Variants in PTBP2 observed in about 807,000 individuals in gnomAD.
PTBP2 encodes polypyrimidine tract binding protein 2.
PTBP2 carries 13 observed loss-of-function variants against 61.4 expected under a neutral mutation model. The ratio of observed to expected loss-of-function variants is 0.21; its 90% confidence interval spans 0.14 to 0.34. The LOEUF is 0.34. Among genes scored for constraint, PTBP2 ranks in the 10% least tolerant of loss-of-function variants. The probability of loss-of-function intolerance (pLI) is 1.00; values close to 1 mark genes in which losing one functional copy is unlikely to be tolerated. For missense variants in PTBP2, 405 were observed against 642.6 expected, an observed-to-expected ratio of 0.63 and a Z score of 4.00; for synonymous variants, 215 against 218.5, an observed-to-expected ratio of 0.98 and a Z score of 0.14.
At chr1:96,818,670 A>G (rs144441613), downstream of PTBP2, 3 of 152,162 alleles carry the variant, frequency 2.0e-5, no homozygotes, top group East Asian at 1.9e-4. Context: ...GAAGCACTCA[A>G]TGCATTTTTT....
intron 3 of PTBP2, among the ~76,000 whole-genome samples, chr1:96,762,464 CCCGGACGGGGCGGCTGG>C (rs1355086845): frequency 7.0e-6 from 1 of 143,086 alleles, no homozygotes; most frequent in East Asian, 2.2e-4. Context: ...CCACCTCCCT[CCCGGACGGGGCGGCTGG>C]CCGGGCTGGG....
At chr1:96,723,658 T>C in intron 2 of PTBP2, 64 bp downstream of exon 2, 1 of 1,449,920 alleles carries the variant, frequency 6.9e-7, no homozygotes, top group Non-Finnish European at 9.4e-7. Flanking sequence ...CTGGAAAATT[T>C]TAGCTTTTGC....
At chr1:96,778,300 A>G (rs991193041) in intron 7 of PTBP2, among the ~76,000 whole-genome samples, 6 of 151,944 alleles carry the variant, frequency 3.9e-5, no homozygotes, top group African/African-American at 4.8e-5. Context: ...TTAGTTTTCA[A>G]AAGAGTTTGG....
intron 2 of PTBP2, among the ~76,000 whole-genome samples, chr1:96,746,274 G>T (rs536402292): frequency 2.6e-5 from 4 of 152,158 alleles, no homozygotes; most frequent in African/African-American, 9.6e-5. Flanking sequence ...TCCTATTTAT[G>T]TTCTCACCAG....
chr1:96,813,449 T>C lies in PTBP2; in HGVS notation c.*44T>C, dbSNP rs373157399. On this transcript the variant is annotated 3_prime_UTR_variant, in exon 14 of 14. Transcript: ENST00000674951. ...TGGGGGTGAATCACATTGTTCAATG[T>C]CATCACCTATTTGACTGTTCAGAAA... 3 of 1,500,288 alleles carry C rather than the reference T, an allele frequency of 2.0e-6. No homozygotes were observed. Among genetic ancestry groups the C allele is most frequent in the Non-Finnish European group, 2.7e-6 (3 of 1,116,802 alleles). 92.9% of individuals were successfully genotyped at this position (1,500,288 alleles called of 1,614,324 possible).
intron 8 of PTBP2, among the ~76,000 whole-genome samples, chr1:96,792,943 T>TA (rs1330382806): frequency 2.0e-5 from 3 of 152,134 alleles, no homozygotes; most frequent in Non-Finnish European, 2.9e-5. Context: ...TAATCACACA[T>TA]ACCTAAACAT....
intron 5 of PTBP2, among the ~76,000 whole-genome samples, chr1:96,772,109 G>A (rs1557735870): frequency 1.3e-5 from 2 of 152,218 alleles, no homozygotes; most frequent in East Asian, 3.9e-4. Context: ...AGTCCCACAA[G>A]ATCTCCTGAG....
At chr1:96,747,911 G>A (rs76902466) in intron 2 of PTBP2, among the ~76,000 whole-genome samples, 3,829 of 151,200 alleles carry the variant, frequency 0.025, 72 homozygotes, top group Non-Finnish European at 0.04. Context: ...GTCAGCTTTT[G>A]ATTTTACTGA....
intron 8 of PTBP2, among the ~76,000 whole-genome samples, chr1:96,803,318 T>C (rs1661206948): frequency 6.6e-6 from 1 of 152,104 alleles, no homozygotes; most frequent in Non-Finnish European, 1.5e-5. Context: ...GGGTGATGGC[T>C]ACTTAGAGTT....
At chr1:96,762,928 C>T (rs1368249880) in intron 3 of PTBP2, among the ~76,000 whole-genome samples, 1 of 151,480 alleles carries the variant, frequency 6.6e-6, no homozygotes, top group Non-Finnish European at 1.5e-5. Context: ...AGGCGCTCCT[C>T]ACATCCCAGA....
downstream of PTBP2, chr1:96,815,872 A>G (rs888932013): frequency 1.3e-5 from 2 of 152,190 alleles, no homozygotes; most frequent in African/African-American, 2.4e-5. Context: ...GAGGAACTCT[A>G]CCAGCATCAG....
At chr1:96,764,857 G>T (rs139090242) in intron 3 of PTBP2, among the ~76,000 whole-genome samples, 110 of 152,256 alleles carry the variant, frequency 7.2e-4, no homozygotes, top group African/African-American at 2.5e-3. Context: ...TTCTCTAGGT[G>T]CCTTCTGTGT....
rs537489992 is a variant in PTBP2, at chr1:96,733,025, T to C, written c.39+9431T>C. Among the ~76,000 whole-genome samples, 38 of 150,740 alleles carry C rather than the reference T, an allele frequency of 2.5e-4. No individual in the cohort carries two copies. In the Middle Eastern group the frequency reaches 0.014, roughly 54 times the overall value. ...ATTACTCTGCTTTCTTTCTTTCTTTTTTTTTTTTTTTGCTATAGCAAATTT... is the reference window on the plus strand; with the variant it reads ...ATTACTCTGCTTTCTTTCTTTCTTTCTTTTTTTTTTTGCTATAGCAAATTT... On this transcript the variant is annotated intron_variant, in intron 2 of 13. Coordinates refer to ENST00000674951, the MANE Select transcript of PTBP2 (RefSeq NM_021190.4).
At chr1:96,803,281 G>A (rs1315182287) in intron 8 of PTBP2, among the ~76,000 whole-genome samples, 1 of 151,932 alleles carries the variant, frequency 6.6e-6, no homozygotes, top group Non-Finnish European at 1.5e-5. Flanking sequence ...AAACGAGATT[G>A]GCCATGAGTT....
chr1:96,815,064 TTTTAA>T (rs1345745555), downstream of PTBP2: 2 of 152,588 alleles, frequency 1.3e-5, no homozygotes, highest in Non-Finnish European at 2.9e-5. Context: ...AGCTGGTTTT[TTTTAA>T]TTTAAAAGAT....
intron 3 of PTBP2, among the ~76,000 whole-genome samples, chr1:96,755,880 T>C (rs1028491579): frequency 2.0e-5 from 3 of 152,092 alleles, no homozygotes; most frequent in Non-Finnish European, 2.9e-5. Flanking sequence ...TCGGGAGTGA[T>C]GGACATATAA....
At chr1:96,724,980 C>T (rs1650191927) in intron 2 of PTBP2, among the ~76,000 whole-genome samples, 2 of 152,122 alleles carry the variant, frequency 1.3e-5, no homozygotes, top group Non-Finnish European at 2.9e-5. Context: ...TTTGCCCATT[C>T]TTTAGGCTTG....
intron 5 of PTBP2, among the ~76,000 whole-genome samples, chr1:96,775,633 A>T (rs1657948836): frequency 6.6e-6 from 1 of 152,142 alleles, no homozygotes; most frequent in Non-Finnish European, 1.5e-5. Flanking sequence ...ATTATTTCAC[A>T]GAGATGTCCA....
intron 8 of PTBP2, among the ~76,000 whole-genome samples, chr1:96,791,826 C>CTTTTTTTTGGTTTTTTTTTTTTTTTTTTT (rs1482989030): frequency 1.5e-5 from 1 of 66,128 alleles, no homozygotes; most frequent in African/African-American, 8.2e-5. Context: ...TGGAGTTGTG[C>CTTTTTTTTGGTTTTTTTTTTTTTTTTTTT]TTTTTTTTTT....
Sources: gnomAD v4.1 joint callset for allele counts (sites outside exome capture counted in the v4.1 genomes callset) on GRCh38, gnomAD v4.1.1 for gene constraint, MANE v1.5 for transcripts, NCBI Gene and HGNC (gene_info 2026-07-23, HGNC 2026-07-21) for gene names.